CS: variants seen among roughly 807,000 people sequenced by gnomAD.
CS encodes the protein citrate synthase, mitochondrial.
In CS, 13 loss-of-function variants were observed where a neutral mutation model predicts 61.4. The ratio of observed to expected loss-of-function variants is 0.21; its 90% CI spans 0.14 to 0.34. The LOEUF (loss-of-function observed/expected upper bound fraction) is 0.34, where lower values mean the gene tolerates loss of function less well. Among genes scored for constraint, CS ranks in the 10% least tolerant of loss-of-function variants. The pLI is 1.00. For missense variants in CS, 278 were observed against 573.4 expected (o/e 0.48, Z 5.26); for synonymous variants, 159 against 215.2 (o/e 0.74, Z 2.29).
intron 1 of CS, among the ~76,000 whole-genome samples, chr12:56,289,092 C>T (rs1158217668): frequency 6.6e-6 from 1 of 152,212 alleles, no homozygotes; most frequent in East Asian, 1.9e-4. Flanking sequence ...CTTTTCTTAA[C>T]TTCCTCAAGA....
chr12:56,292,720 T>TA (rs1418285862), intron 1 of CS, among the ~76,000 whole-genome samples: 2 of 36,324 alleles, frequency 5.5e-5, no homozygotes, highest in Non-Finnish European at 1.1e-4. Flanking sequence ...CCATCTCTAC[T>TA]AAAAAAATAC....
At chr12:56,286,767 T>G in intron 1 of CS, 122 bp from the exon 2 acceptor site, 1 of 858,760 alleles carries the variant, frequency 1.2e-6, no homozygotes, top group African/African-American at 1.7e-5. Flanking sequence ...CAGTTTGACA[T>G]AAGAAAGCTG....
chr12:56,288,578 C>T (rs1316900616), intron 1 of CS, among the ~76,000 whole-genome samples: 4 of 151,810 alleles, frequency 2.6e-5, no homozygotes, highest in Non-Finnish European at 4.4e-5. Context: ...TCTGGTGATA[C>T]GCCTACCTCG....
intron 1 of CS, among the ~76,000 whole-genome samples, chr12:56,297,740 T>C (rs1045011033): frequency 3.3e-5 from 5 of 152,148 alleles, no homozygotes; most frequent in Admixed American, 2.6e-4. Flanking sequence ...AAAGTAAAAC[T>C]ACACCTGACG....
At chr12:56,290,305 A>G (rs909884015) in intron 1 of CS, among the ~76,000 whole-genome samples, 8 of 152,086 alleles carry the variant, frequency 5.3e-5, no homozygotes, top group Admixed American at 2.0e-4. Context: ...TCCCTCTCCC[A>G]GGTTCACACT....
chr12:56,291,249 G>A, intron 1 of CS: 1 of 1,128,848 alleles, frequency 8.9e-7, no homozygotes, highest in Non-Finnish European at 1.1e-6. Context: ...CTGGGAGTTG[G>A]ATCCCAGGAA....
chr12:56,274,451 T>A, intron 9 of CS: 1 of 205,718 alleles, frequency 4.9e-6, no homozygotes, highest in East Asian at 1.2e-4. Context: ...ACACTCAACC[T>A]ATTTAAAACT....
At chr12:56,294,473 C>CAAA (rs1227364181) in intron 1 of CS, among the ~76,000 whole-genome samples, 26 of 36,872 alleles carry the variant, frequency 7.1e-4, no homozygotes, top group African/African-American at 1.1e-3. Context: ...GACTCTGTCT[C>CAAA]AAAAAAAAAA....
intron 1 of CS, 117 bp downstream of exon 1, chr12:56,300,043 G>C: frequency 1.0e-6 from 1 of 976,934 alleles, no homozygotes; most frequent in Non-Finnish European, 1.5e-6. Context: ...CCAAGCGCAG[G>C]GCCCTTTAAG....
chr12:56,289,572 T>C (rs1382427926), intron 1 of CS, among the ~76,000 whole-genome samples: 1 of 152,024 alleles, frequency 6.6e-6, no homozygotes, highest in Non-Finnish European at 1.5e-5. Context: ...GGCTCCCAAG[T>C]AGCTGGGACT....
rs1221826001 is a variant in CS at position 56,278,216 on chromosome 12, C to T, written c.589-2021G>A. On this transcript the variant is annotated intron_variant, in intron 6 of 10. Transcript: ENST00000351328. Reference sequence around the variant, plus strand: ...TGCGATCTCAGCTCACTGCAACCTCCGCCTCCGGGGTTCAAGCGATTCTTG... The same window carrying T: ...TGCGATCTCAGCTCACTGCAACCTCTGCCTCCGGGGTTCAAGCGATTCTTG... 2.0e-5 allele frequency among the ~76,000 whole-genome samples: 3 copies of T among 152,218 alleles called. No homozygotes were observed. In the South Asian group the frequency reaches 6.2e-4, roughly 32 times the overall value.
chr12:56,291,294 T>C, intron 1 of CS: 1 of 1,024,086 alleles, frequency 9.8e-7, no homozygotes, highest in Non-Finnish European at 1.2e-6. Context: ...GGTGAATGGA[T>C]AATTCCTTCC....
At chr12:56,289,595 C>T (rs1873051319) in intron 1 of CS, among the ~76,000 whole-genome samples, 1 of 152,084 alleles carries the variant, frequency 6.6e-6, no homozygotes, top group Non-Finnish European at 1.5e-5. Context: ...AGGCACCCGC[C>T]ACCACGCCTG....
At chr12:56,286,721 A>C in intron 1 of CS, 76 bp from the exon 2 acceptor site, 1 of 1,264,252 alleles carries the variant, frequency 7.9e-7, no homozygotes, top group Non-Finnish European at 1.1e-6. Context: ...AATTACAGTG[A>C]CTCAACCTCT....
chr12:56,279,140 T>G (rs1365800853), intron 6 of CS, among the ~76,000 whole-genome samples: 1 of 152,196 alleles, frequency 6.6e-6, no homozygotes, highest in East Asian at 1.9e-4. Context: ...TTAAGGCTAC[T>G]TCACAATTAA....
intron 9 of CS, chr12:56,274,009 T>A: frequency 1.8e-6 from 1 of 571,052 alleles, no homozygotes; most frequent in Non-Finnish European, 3.1e-6. Context: ...TTTTTTTTTT[T>A]TTTTTTGGTA....
At chr12:56,291,396 C>T in intron 1 of CS, 2 of 510,954 alleles carry the variant, frequency 3.9e-6, no homozygotes, top group East Asian at 1.5e-4. Flanking sequence ...TACCAGTTTT[C>T]TTTTTAAGGG....
chr12:56,286,534 T>C, intron 2 of CS, 61 bp downstream of exon 2: 1 of 1,518,846 alleles, frequency 6.6e-7, no homozygotes, highest in Non-Finnish European at 9.1e-7. Context: ...CCAAATCCTC[T>C]GCCCCAAGGT....
chr12:56,297,581 C>T (rs1308744544), intron 1 of CS, among the ~76,000 whole-genome samples: 2 of 152,076 alleles, frequency 1.3e-5, no homozygotes, highest in Non-Finnish European at 2.9e-5. Context: ...TGCACACCTG[C>T]TAACCCCAGC....
Sources: allele counts gnomAD v4.1 joint callset (sites outside exome capture counted in the v4.1 genomes callset), GRCh38; gene constraint gnomAD v4.1.1; transcripts MANE v1.5; gene names NCBI Gene and HGNC (gene_info 2026-07-23, HGNC 2026-07-21).